GRIP1: variants seen among roughly 807,000 people sequenced by gnomAD.
GRIP1 encodes glutamate receptor-interacting protein 1.
In GRIP1, 45 loss-of-function variants were observed where a neutral mutation model predicts 129.9. That is an observed-to-expected ratio of 0.35 (90% CI 0.27 to 0.44). The LOEUF (loss-of-function observed/expected upper bound fraction) is 0.44, where lower values mean the gene tolerates loss of function less well. Ranked by LOEUF, GRIP1 falls within the 20% of genes least tolerant of loss-of-function variation. The pLI is 1.00. For missense variants in GRIP1, 1,196 were observed against 1,396.8 expected, an observed-to-expected ratio of 0.86 and a Z score of 2.29; for synonymous variants, 530 against 520.8, an observed-to-expected ratio of 1.02 and a Z score of -0.24.
At chr12:66,440,089 C>T (rs1456123045) in intron 13 of GRIP1, among the ~76,000 whole-genome samples, 1 of 152,190 alleles carries the variant, frequency 6.6e-6, no homozygotes, top group Non-Finnish European at 1.5e-5. Flanking sequence ...CCTTGCTTGA[C>T]AGTTCTTACA....
At chr12:66,813,814 C>T (rs1159484604) in intron 1 of GRIP1, among the ~76,000 whole-genome samples, 1 of 152,146 alleles carries the variant, frequency 6.6e-6, no homozygotes, top group Non-Finnish European at 1.5e-5. Context: ...TTGTGGGCTT[C>T]TATTCCACAT....
intron 14 of GRIP1, among the ~76,000 whole-genome samples, chr12:66,425,296 T>C (rs944699887): frequency 3.9e-5 from 6 of 152,144 alleles, no homozygotes; most frequent in African/African-American, 1.4e-4. Flanking sequence ...CCAGTTAGAA[T>C]GGCGATCATT....
chr12:66,988,886 C>T (rs755231743), intron 1 of GRIP1, among the ~76,000 whole-genome samples: 1 of 152,124 alleles, frequency 6.6e-6, no homozygotes, highest in Non-Finnish European at 1.5e-5. Context: ...GTTTTGAGAT[C>T]GGCTAACATG....
intron 15 of GRIP1, among the ~76,000 whole-genome samples, chr12:66,419,139 G>A (rs1043746214): frequency 6.6e-6 from 1 of 152,170 alleles, no homozygotes; most frequent in African/African-American, 2.4e-5. Context: ...CCTGTCATTT[G>A]CAATGCATTA....
intron 1 of GRIP1, among the ~76,000 whole-genome samples, chr12:66,729,413 C>G (rs2036358854): frequency 6.6e-6 from 1 of 152,026 alleles, no homozygotes; most frequent in Admixed American, 6.6e-5. Flanking sequence ...GTGCCAGGCA[C>G]CATGTTATGC....
intron 1 of GRIP1, among the ~76,000 whole-genome samples, chr12:66,967,778 T>C (rs566769627): frequency 5.3e-5 from 8 of 152,348 alleles, no homozygotes; most frequent in African/African-American, 1.9e-4. Flanking sequence ...TGACTTATAG[T>C]TTAATTTCAC....
At chr12:66,930,673 G>C (rs572268160) in intron 1 of GRIP1, among the ~76,000 whole-genome samples, 1 of 152,232 alleles carries the variant, frequency 6.6e-6, no homozygotes, top group Non-Finnish European at 1.5e-5. Context: ...GAATATGTAT[G>C]TTCAGAAGTA....
chr12:66,802,631 A>G (rs2038890419), intron 1 of GRIP1, among the ~76,000 whole-genome samples: 1 of 152,182 alleles, frequency 6.6e-6, no homozygotes, highest in South Asian at 2.1e-4. Context: ...ACAAACATAT[A>G]TCATGGTACA....
At chr12:66,738,757 G>C (rs1378240926) in intron 1 of GRIP1, among the ~76,000 whole-genome samples, 1 of 152,166 alleles carries the variant, frequency 6.6e-6, no homozygotes, top group Non-Finnish European at 1.5e-5. Context: ...GAATGGAAAT[G>C]GGTGGGCATA....
intron 1 of GRIP1, among the ~76,000 whole-genome samples, chr12:66,838,078 C>T (rs1243659653): frequency 6.6e-6 from 1 of 151,758 alleles, no homozygotes; most frequent in African/African-American, 2.4e-5. Flanking sequence ...CCCAGCTACT[C>T]CAGAGGCTGA....
intron 23 of GRIP1, among the ~76,000 whole-genome samples, chr12:66,364,928 T>C (rs1292154694): frequency 1.3e-5 from 2 of 152,112 alleles, no homozygotes; most frequent in African/African-American, 4.8e-5. Context: ...CTGTGGTATG[T>C]GTCCCTTTTT....
intron 9 of GRIP1, among the ~76,000 whole-genome samples, chr12:66,459,395 C>T (rs536394733): frequency 1.5e-4 from 23 of 152,284 alleles, no homozygotes; most frequent in African/African-American, 5.5e-4. Flanking sequence ...GACACTTTAG[C>T]GTACTTTTCA....
chr12:66,509,652 A>G (rs1273134052), intron 7 of GRIP1, among the ~76,000 whole-genome samples: 1 of 152,182 alleles, frequency 6.6e-6, no homozygotes, highest in Non-Finnish European at 1.5e-5. Flanking sequence ...TTGCAGGAAC[A>G]TGGATGGAGC....
chr12:66,474,588 G>T (rs915885698), intron 7 of GRIP1, among the ~76,000 whole-genome samples: 1 of 152,260 alleles, frequency 6.6e-6, no homozygotes, highest in African/African-American at 2.4e-5. Flanking sequence ...GAAAGGTCGG[G>T]TTACCCACAA....
intron 9 of GRIP1, among the ~76,000 whole-genome samples, chr12:66,457,741 A>C (rs915698485): frequency 2.0e-5 from 3 of 152,172 alleles, no homozygotes; most frequent in African/African-American, 7.2e-5. Context: ...AGAATGAAAC[A>C]GGACATGAAA....
rs577885708 is a variant in GRIP1 at position 66,731,199 on chromosome 12, A to G, written c.-420+72854T>C. On this transcript the variant is annotated intron_variant, in intron 1 of 4. Transcript: ENST00000538373. The stretch of plus-strand genomic sequence containing the variant: ...GAAAGAAATAGGTTTCACGGATTCA[A>G]ACAAAACAGAATGAAATAAAAAAGA... 3.3e-5 allele frequency among the ~76,000 whole-genome samples: 5 copies of G among 152,340 alleles called. No homozygotes were observed. In the East Asian group the frequency reaches 5.8e-4, roughly 18 times the overall value.
chr12:66,992,392 T>A (rs578207352), intron 1 of GRIP1, among the ~76,000 whole-genome samples: 10 of 141,698 alleles, frequency 7.1e-5, no homozygotes, highest in South Asian at 2.2e-4. Context: ...AATTTTTTTT[T>A]AAATACAATT....
At chr12:66,529,802 T>A in intron 5 of GRIP1, 29 bp downstream of exon 5, 1 of 1,205,694 alleles carries the variant, frequency 8.3e-7, no homozygotes, top group Non-Finnish European at 1.2e-6. Flanking sequence ...ATATTTTTTT[T>A]AAAGTAGATT....
intron 1 of GRIP1, among the ~76,000 whole-genome samples, chr12:67,050,732 A>C (rs898265213): frequency 1.8e-4 from 28 of 152,270 alleles, no homozygotes; most frequent in African/African-American, 6.5e-4. Context: ...ACATTACCCT[A>C]CAAGATGCTC....
Sources: gnomAD v4.1 joint callset for allele counts (sites outside exome capture counted in the v4.1 genomes callset) on GRCh38, gnomAD v4.1.1 for gene constraint, MANE v1.5 for transcripts, NCBI Gene and HGNC (gene_info 2026-07-23, HGNC 2026-07-21) for gene names.